Variants in PIK3C2G observed in about 807,000 individuals in gnomAD.
PIK3C2G encodes the protein phosphatidylinositol 3-kinase C2 domain-containing subunit gamma.
In PIK3C2G, 168 loss-of-function variants were observed where a neutral mutation model predicts 181.1. The observed-to-expected ratio is 0.93, with a 90% CI of 0.82 to 1.05. The LOEUF is 1.05. PIK3C2G is among the 50% of genes least tolerant of loss of function. The pLI is 0.00. For synonymous variants in PIK3C2G, 573 were observed against 592.2 expected (o/e 0.97, Z 0.47); for missense variants, 1,869 against 1,732.8 (o/e 1.08, Z -1.40).
intron 16 of PIK3C2G, among the ~76,000 whole-genome samples, chr12:18,406,711 G>T (rs1944553010): frequency 6.6e-6 from 1 of 152,142 alleles, no homozygotes; most frequent in South Asian, 2.1e-4. Context: ...GAACACAAGT[G>T]CAAGCAAGCA....
chr12:18,401,782 T>C (rs565589956), intron 16 of PIK3C2G, among the ~76,000 whole-genome samples: 6 of 152,126 alleles, frequency 3.9e-5, no homozygotes, highest in Admixed American at 2.0e-4. Flanking sequence ...CATTAGCCAT[T>C]AAGGAAATAA....
chr12:18,693,684 G>C, the PIK3C2G span: 1 of 1,566,530 alleles, frequency 6.4e-7, no homozygotes, highest in Non-Finnish European at 8.8e-7. Context: ...GGTGGTGAGA[G>C]AGAAATTCAG....
chr12:18,319,010 G>A (rs533635160), intron 6 of PIK3C2G, among the ~76,000 whole-genome samples: 2 of 150,322 alleles, frequency 1.3e-5, no homozygotes, highest in East Asian at 2.0e-4. Context: ...GCTTGAACCC[G>A]GGAGGTGGAG....
intron 10 of PIK3C2G, among the ~76,000 whole-genome samples, chr12:18,343,561 G>A (rs1446952273): frequency 1.3e-5 from 2 of 151,202 alleles, no homozygotes; most frequent in Non-Finnish European, 1.5e-5. Flanking sequence ...TTCTGCAAGG[G>A]AATAAAAATC....
Position 18,409,942 on chromosome 12 carries a change from C to G in PIK3C2G, c.2315+10095C>G, listed in dbSNP as rs148692288. 8.9e-3 allele frequency among the ~76,000 whole-genome samples: 1,349 copies of G among 152,114 alleles called. 17 individuals are homozygous for G. The highest frequency in any genetic ancestry group is 0.031 in the African/African-American group (1,302 of 41,488). On this transcript the variant is annotated intron_variant, in intron 16 of 32. Transcript: ENST00000538779. ...GAGGAAGAGATGGGGAGAGGTACCA[C>G]ACACTTTAAACAACCGGATATCATT...
chr12:18,719,850 T>C, the PIK3C2G span, among the ~76,000 whole-genome samples: 1 of 152,076 alleles, frequency 6.6e-6, no homozygotes, highest in African/African-American at 2.4e-5. Flanking sequence ...TAATATATTA[T>C]TTAATTATCT....
the PIK3C2G span, among the ~76,000 whole-genome samples, chr12:18,686,485 T>G: frequency 6.6e-6 from 1 of 151,518 alleles, no homozygotes; most frequent in Middle Eastern, 3.4e-3. Context: ...CATGTTTAAA[T>G]TGTGTTTTCT....
intron 30 of PIK3C2G, among the ~76,000 whole-genome samples, chr12:18,608,212 T>A (rs1948152033): frequency 6.6e-6 from 1 of 152,116 alleles, no homozygotes; most frequent in Admixed American, 6.5e-5. Flanking sequence ...ACTGGGTATA[T>A]ACCCAAAGGA....
At chr12:18,555,386 T>A (rs1481774345) in intron 26 of PIK3C2G, among the ~76,000 whole-genome samples, 2 of 152,120 alleles carry the variant, frequency 1.3e-5, no homozygotes, top group African/African-American at 4.8e-5. Flanking sequence ...ATAATCTGCC[T>A]AGATGCTGAA....
At chr12:18,583,393 C>T (rs982361527) in intron 29 of PIK3C2G, among the ~76,000 whole-genome samples, 2 of 152,158 alleles carry the variant, frequency 1.3e-5, no homozygotes, top group Admixed American at 1.3e-4. Context: ...CCTGTATCTC[C>T]TCAGTGGGTG....
chr12:18,405,692 T>C lies in PIK3C2G; in HGVS notation c.2315+5845T>C, dbSNP rs76113215. 9.3e-3 allele frequency among the ~76,000 whole-genome samples: 1,411 copies of C among 152,198 alleles called. 13 individuals carry two copies. The highest frequency in any genetic ancestry group is 0.027 in the African/African-American group (1,113 of 41,524). The stretch of plus-strand genomic sequence containing the variant: ...AATAGAATTAGGTCTAAAAACAGAT[T>C]AATGAATTTGGAAATCAGGTAGTCA... On this transcript the variant is annotated intron_variant, in intron 16 of 32. Coordinates refer to ENST00000538779, the MANE Select transcript of PIK3C2G (RefSeq NM_001288772.2).
intron 4 of PIK3C2G, among the ~76,000 whole-genome samples, chr12:18,292,998 A>G (rs1949778911): frequency 6.6e-6 from 1 of 152,176 alleles, no homozygotes; most frequent in Non-Finnish European, 1.5e-5. Context: ...GAGTCCATTC[A>G]TCTTTGAAAC....
chr12:18,700,512 C>CTAAAAA, the PIK3C2G span, among the ~76,000 whole-genome samples: 1 of 67,896 alleles, frequency 1.5e-5, no homozygotes, highest in Non-Finnish European at 2.5e-5. Context: ...AGCCAACGTA[C>CTAAAAA]AAAAAAAAAA....
chr12:18,284,964 T>C (rs1949380532), intron 2 of PIK3C2G, among the ~76,000 whole-genome samples: 1 of 152,028 alleles, frequency 6.6e-6, no homozygotes, highest in African/African-American at 2.4e-5. Context: ...TTTGAAGAAA[T>C]AATGGTCAGG....
chr12:18,539,028 A>G (rs12367676), intron 25 of PIK3C2G, among the ~76,000 whole-genome samples: 24,572 of 151,922 alleles, frequency 0.16, 2,184 homozygotes, highest in South Asian at 0.25. Context: ...AGCAAACTAT[A>G]CATGGGAAAC....
chr12:18,294,834 T>C (rs1356567296), intron 5 of PIK3C2G, among the ~76,000 whole-genome samples: 1 of 151,950 alleles, frequency 6.6e-6, no homozygotes, highest in East Asian at 1.9e-4. Flanking sequence ...ATTGAAAACA[T>C]CTCATGGAAG....
At chr12:18,587,710 T>A (rs1946862582) in intron 29 of PIK3C2G, among the ~76,000 whole-genome samples, 1 of 151,810 alleles carries the variant, frequency 6.6e-6, no homozygotes. Flanking sequence ...TATTTTAAAA[T>A]TCATATGAAA....
Position 18,488,591 on chromosome 12 carries a change from G to C in PIK3C2G, c.2647G>C (p.Gly883Arg). Residue 883 changes from glycine to arginine, a missense_variant, in exon 19 of 33, where the codon GGG becomes CGG. By Grantham distance (125) the Gly-to-Arg change is moderately radical. Coordinates refer to ENST00000538779, the MANE Select transcript of PIK3C2G (RefSeq NM_001288772.2). Reference sequence around the variant, plus strand: ...ACTTATCAAAATTCTGGGAGATATTGGGGAAAGAGTCAAGTCTGCCAGTGA... The same window carrying C: ...ACTTATCAAAATTCTGGGAGATATTCGGGAAAGAGTCAAGTCTGCCAGTGA... The part of the protein sequence containing the change: ...QKLIKILGDI[G>R]ERVKSASDHQ... 1 of 1,568,630 alleles carries C rather than the reference G, an allele frequency of 6.4e-7. No homozygotes were observed. The highest frequency in any genetic ancestry group is 1.7e-4 in the Middle Eastern group (1 of 5,880).
chr12:18,567,072 A>T lies in PIK3C2G; in HGVS notation c.4011+15A>T, dbSNP rs1415721833. 1.8e-6 allele frequency: 2 copies of T among 1,117,944 alleles called. No individual in the cohort carries two copies. The highest frequency in any genetic ancestry group is 2.7e-6 in the Non-Finnish European group (2 of 750,368). 69.3% of individuals were successfully genotyped at this position (1,117,944 alleles called of 1,614,324 possible). ...AAGTTACAAACGTATGTTATAATTA[A>T]TTTTTCTATTTTTACATAAAACATC... On this transcript the variant is annotated intron_variant, in intron 29 of 32. Transcript: ENST00000538779.
Sources: gnomAD v4.1 joint callset for allele counts (sites outside exome capture counted in the v4.1 genomes callset) on GRCh38, gnomAD v4.1.1 for gene constraint, MANE v1.5 for transcripts, NCBI Gene and HGNC (gene_info 2026-07-23, HGNC 2026-07-21) for gene names.